Variants in SUSD4 observed in about 807,000 individuals in gnomAD.
The protein encoded by SUSD4 is sushi domain-containing protein 4.
SUSD4 carries 41 observed loss-of-function variants against 50.5 expected under a neutral mutation model. The observed-to-expected ratio is 0.81, with a 90% CI of 0.63 to 1.05. The LOEUF (loss-of-function observed/expected upper bound fraction) is 1.05, where lower values mean the gene tolerates loss of function less well. SUSD4 is among the 50% of genes least tolerant of loss of function. The probability of loss-of-function intolerance (pLI) is 0.00; values close to 1 mark genes in which losing one functional copy is unlikely to be tolerated. For missense variants in SUSD4, 580 were observed against 634.7 expected, an observed-to-expected ratio of 0.91 and a Z score of 0.93; for synonymous variants, 257 against 257.3, an observed-to-expected ratio of 1.00 and a Z score of 0.01.
chr1:223,346,564 C>T (rs1392052187), intron 2 of SUSD4, among the ~76,000 whole-genome samples: 1 of 152,122 alleles, frequency 6.6e-6, no homozygotes, highest in South Asian at 2.1e-4. Context: ...AATACCTCAG[C>T]AGGCTCCAGG....
At chr1:223,320,740 TG>T (rs1166461566) in intron 2 of SUSD4, among the ~76,000 whole-genome samples, 1 of 152,170 alleles carries the variant, frequency 6.6e-6, no homozygotes, top group East Asian at 1.9e-4. Context: ...TACAAAAGTA[TG>T]TTTTCTTGCT....
chr1:223,362,945 T>TCC (rs72009594), intron 2 of SUSD4, among the ~76,000 whole-genome samples: 1,097 of 93,242 alleles, frequency 0.012, 22 homozygotes, highest in African/African-American at 0.037. Context: ...CCCCCACCCC[T>TCC]CCCCCCCCCG....
intron 7 of SUSD4, among the ~76,000 whole-genome samples, chr1:223,225,161 T>C (rs1308377651): frequency 6.6e-6 from 1 of 152,024 alleles, no homozygotes; most frequent in African/African-American, 2.4e-5. Context: ...TGAGCCACTG[T>C]GCCCGGCCGG....
intron 2 of SUSD4, among the ~76,000 whole-genome samples, chr1:223,330,566 AT>A (rs1432975463): frequency 6.6e-6 from 1 of 152,232 alleles, no homozygotes; most frequent in Admixed American, 6.5e-5. Flanking sequence ...GGCAAAAGGA[AT>A]ATCTGCCAAT....
At chr1:223,249,009 G>A (rs912956681) in intron 5 of SUSD4, among the ~76,000 whole-genome samples, 1 of 152,172 alleles carries the variant, frequency 6.6e-6, no homozygotes, top group Non-Finnish European at 1.5e-5. Context: ...AAGCTGACAC[G>A]TGTTTCTGTG....
chr1:223,306,961 T>TG (rs1485326809), intron 2 of SUSD4, among the ~76,000 whole-genome samples: 10 of 150,174 alleles, frequency 6.7e-5, no homozygotes, highest in South Asian at 2.1e-4. Flanking sequence ...GTTTTTTTTT[T>TG]TGGGGGGGGG....
intron 2 of SUSD4, among the ~76,000 whole-genome samples, chr1:223,353,819 C>T (rs1668503776): frequency 6.6e-6 from 1 of 152,084 alleles, no homozygotes. Flanking sequence ...TGCTCAATGT[C>T]CCTAGGAAGG....
chr1:223,259,463 C>A (rs1011628452), intron 5 of SUSD4, among the ~76,000 whole-genome samples: 1 of 152,202 alleles, frequency 6.6e-6, no homozygotes, highest in East Asian at 1.9e-4. Context: ...GTCTGTTCTT[C>A]TGACCCTTGC....
chr1:223,338,803 A>G (rs530588105), intron 2 of SUSD4, among the ~76,000 whole-genome samples: 17 of 152,310 alleles, frequency 1.1e-4, no homozygotes, highest in Middle Eastern at 6.8e-3. Flanking sequence ...AGGGAGAGGC[A>G]ATCTGAGGGA....
chr1:223,331,173 T>C lies in SUSD4; in HGVS notation c.148+32105A>G, dbSNP rs112359958. On this transcript the variant is annotated intron_variant, in intron 2 of 8. Coordinates refer to ENST00000366878, the MANE Select transcript of SUSD4 (RefSeq NM_017982.4). ...ACTTTAACAGCAGATTCCTACTATT[T>C]TTGCTGACGGAATTAGCAATCATAA... 6.8e-3 allele frequency among the ~76,000 whole-genome samples: 1,036 copies of C among 152,264 alleles called. 10 individuals are homozygous for C. The highest frequency in any genetic ancestry group is 0.024 in the African/African-American group (984 of 41,530).
rs995592996 is a variant in SUSD4, at chr1:223,280,349, G to A, written c.362-11674C>T. Among the ~76,000 whole-genome samples, 17 of 152,210 alleles carry A rather than the reference G, an allele frequency of 1.1e-4. No individual in the cohort carries two copies. In the South Asian group the frequency reaches 1.7e-3, roughly 15 times the overall value. ...ACTGTATTCAGGAGACCCATCTCAC[G>A]TGCAGATACACACACAGGCTCAAAA... On this transcript the variant is annotated intron_variant, in intron 3 of 8. Coordinates refer to ENST00000366878, the MANE Select transcript of SUSD4 (RefSeq NM_017982.4).
chr1:223,262,136 T>A (rs1387854434), intron 5 of SUSD4, among the ~76,000 whole-genome samples: 1 of 152,186 alleles, frequency 6.6e-6, no homozygotes, highest in Non-Finnish European at 1.5e-5. Flanking sequence ...GAGGGACAGC[T>A]GCAGCGACAG....
chr1:223,228,738 G>T (rs1325562820), intron 6 of SUSD4, among the ~76,000 whole-genome samples: 1 of 152,110 alleles, frequency 6.6e-6, no homozygotes, highest in Non-Finnish European at 1.5e-5. Context: ...GTTATGCGTT[G>T]CTTGGGTCCA....
intron 1 of SUSD4, chr1:223,363,719 T>C (rs778623519): frequency 2.1e-5 from 7 of 339,164 alleles, no homozygotes; most frequent in East Asian, 5.2e-5. Context: ...TTAGCGCACA[T>C]TGGCTCCGCG....
At chr1:223,337,955 C>T (rs1667547720) in intron 2 of SUSD4, among the ~76,000 whole-genome samples, 1 of 152,220 alleles carries the variant, frequency 6.6e-6, no homozygotes, top group Non-Finnish European at 1.5e-5. Flanking sequence ...ATCTGTTCTA[C>T]TCAAGGTTTC....
intron 2 of SUSD4, among the ~76,000 whole-genome samples, chr1:223,350,992 C>A (rs1202559893): frequency 6.6e-6 from 1 of 152,184 alleles, no homozygotes; most frequent in Non-Finnish European, 1.5e-5. Flanking sequence ...AATGAAGATA[C>A]CAATATTTAT....
intron 5 of SUSD4, chr1:223,263,996 G>A (rs1662303466): frequency 1.0e-6 from 1 of 985,448 alleles, no homozygotes. Context: ...AGCAAGAGCT[G>A]AACCAGCATG....
chr1:223,227,774 C>A lies in SUSD4; in HGVS notation c.917-36G>T. On this transcript the variant is annotated intron_variant, in intron 6 of 8. Coordinates refer to ENST00000366878, the MANE Select transcript of SUSD4 (RefSeq NM_017982.4). The surrounding 1 kb of genome is among the most constrained non-coding windows in gnomAD (Gnocchi z 4.5). Reference sequence around the variant, plus strand: ...GAGAACAAAGCTGTACGTGAGGCTCCCAGACCATGAGAGGTGCCGAGGTTC... The same window carrying A: ...GAGAACAAAGCTGTACGTGAGGCTCACAGACCATGAGAGGTGCCGAGGTTC... The A allele has an allele frequency of 6.3e-7, 1 of 1,575,968 alleles. No homozygotes were observed. Among genetic ancestry groups the A allele is most frequent in the Admixed American group, 1.8e-5 (1 of 56,552 alleles).
intron 3 of SUSD4, among the ~76,000 whole-genome samples, chr1:223,290,229 T>C (rs1375423270): frequency 6.6e-6 from 1 of 152,222 alleles, no homozygotes; most frequent in Admixed American, 6.5e-5. Context: ...AGCATGGCTA[T>C]TTACAAAGCA....
Sources: gnomAD v4.1 joint callset for allele counts (sites outside exome capture counted in the v4.1 genomes callset) on GRCh38, gnomAD v4.1.1 for gene constraint, Gnocchi (gnomAD v3.1) non-coding constraint, MANE v1.5 for transcripts, NCBI Gene and HGNC (gene_info 2026-07-23, HGNC 2026-07-21) for gene names.